The following PRELID2 variants were observed in gnomAD, a reference collection of about 807,000 sequenced individuals.
PRELID2 encodes PRELI domain-containing protein 2.
In PRELID2, 25 loss-of-function variants were observed where a neutral mutation model predicts 28.4. That is an observed-to-expected ratio of 0.88 (90% CI 0.64 to 1.23). The LOEUF is 1.23. Ranked by LOEUF, PRELID2 falls within the 50% of genes most tolerant of loss-of-function variation. PRELID2 has a pLI of 0.00. For missense variants in PRELID2, 201 were observed against 214.4 expected, an observed-to-expected ratio of 0.94 and a Z score of 0.39; for synonymous variants, 76 against 71.6, an observed-to-expected ratio of 1.06 and a Z score of -0.31.
intron 1 of PRELID2, among the ~76,000 whole-genome samples, chr5:145,620,363 A>G (rs895392825): frequency 2.0e-5 from 3 of 152,216 alleles, no homozygotes; most frequent in African/African-American, 7.2e-5. Context: ...AGAATGTGCA[A>G]CACTAAGAGT....
At chr5:145,367,829 A>AT in the PRELID2 span, among the ~76,000 whole-genome samples, 2 of 147,662 alleles carry the variant, frequency 1.4e-5, no homozygotes, top group African/African-American at 4.9e-5. Context: ...GATGAACCAC[A>AT]TTTTTATCTA....
At chr5:145,437,940 T>C in the PRELID2 span, among the ~76,000 whole-genome samples, 1 of 152,116 alleles carries the variant, frequency 6.6e-6, no homozygotes, top group Non-Finnish European at 1.5e-5. Context: ...AATGCTTCTT[T>C]CCCCTAGAGC....
intron 1 of PRELID2, among the ~76,000 whole-genome samples, chr5:145,478,558 TAAAG>T (rs1057147911): frequency 6.6e-6 from 1 of 151,666 alleles, no homozygotes; most frequent in Non-Finnish European, 1.5e-5. Flanking sequence ...CTCCAAAAAA[TAAAG>T]AAAAAGAAAA....
intron 1 of PRELID2, among the ~76,000 whole-genome samples, chr5:145,723,077 T>C (rs1482392692): frequency 3.3e-5 from 5 of 152,176 alleles, no homozygotes; most frequent in Non-Finnish European, 7.4e-5. Flanking sequence ...TAAATTTGAT[T>C]GTCAAAAATT....
At chr5:145,515,536 C>T (rs560589064) in intron 1 of PRELID2, among the ~76,000 whole-genome samples, 2 of 152,266 alleles carry the variant, frequency 1.3e-5, no homozygotes, top group East Asian at 3.9e-4. Flanking sequence ...GGACCAGACA[C>T]ATTCACAGAT....
chr5:145,357,676 G>A, the PRELID2 span, among the ~76,000 whole-genome samples: 1 of 152,112 alleles, frequency 6.6e-6, no homozygotes, highest in Non-Finnish European at 1.5e-5. Flanking sequence ...TTCCTTGGAT[G>A]GGGTTTTGAC....
intron 1 of PRELID2, among the ~76,000 whole-genome samples, chr5:145,748,058 A>G (rs2149748576): frequency 6.6e-6 from 1 of 152,348 alleles, no homozygotes; most frequent in Non-Finnish European, 1.5e-5. Context: ...TATCATATTG[A>G]AGGGACAAAA....
chr5:145,292,449 A>G, the PRELID2 span, among the ~76,000 whole-genome samples: 2 of 152,142 alleles, frequency 1.3e-5, no homozygotes, highest in Non-Finnish European at 2.9e-5. Flanking sequence ...TCAAACTGCT[A>G]TGAGATACAC....
At chr5:145,725,940 T>G (rs764447317) in intron 1 of PRELID2, among the ~76,000 whole-genome samples, 14 of 152,134 alleles carry the variant, frequency 9.2e-5, no homozygotes, top group Non-Finnish European at 1.8e-4. Context: ...TCCAGCACTT[T>G]GGTAGGCCAA....
At chr5:145,317,007 A>G in the PRELID2 span, among the ~76,000 whole-genome samples, 4 of 152,192 alleles carry the variant, frequency 2.6e-5, no homozygotes, top group Non-Finnish European at 5.9e-5. Flanking sequence ...TATTTCCTGC[A>G]CTTCTGTAAT....
chr5:145,300,559 A>T, the PRELID2 span, among the ~76,000 whole-genome samples: 1 of 151,956 alleles, frequency 6.6e-6, no homozygotes, highest in Non-Finnish European at 1.5e-5. Flanking sequence ...CAGTCCTCAA[A>T]ACACAAGGAA....
the PRELID2 span, among the ~76,000 whole-genome samples, chr5:145,459,193 T>A: frequency 6.6e-6 from 1 of 152,104 alleles, no homozygotes; most frequent in South Asian, 2.1e-4. Flanking sequence ...CCCCAGAAAA[T>A]TCTGATGTCC....
chr5:145,754,349 T>C (rs940384319), downstream of PRELID2: 3 of 152,238 alleles, frequency 2.0e-5, no homozygotes, highest in African/African-American at 4.8e-5. Context: ...GTGCATCCTA[T>C]GCTAATTTTT....
intron 1 of PRELID2, among the ~76,000 whole-genome samples, chr5:145,688,542 A>G (rs1016754764): frequency 3.3e-5 from 5 of 152,222 alleles, no homozygotes; most frequent in African/African-American, 1.2e-4. Flanking sequence ...AGTACAGCAT[A>G]CCACAGGAAA....
chr5:145,548,732 A>G (rs965865699), intron 1 of PRELID2, among the ~76,000 whole-genome samples: 2 of 152,098 alleles, frequency 1.3e-5, no homozygotes, highest in Admixed American at 6.5e-5. Context: ...CTGCACCTTC[A>G]GTCTTGCCAT....
chr5:145,580,239 G>C (rs1048199211), intron 1 of PRELID2, among the ~76,000 whole-genome samples: 1 of 152,002 alleles, frequency 6.6e-6, no homozygotes, highest in Non-Finnish European at 1.5e-5. Context: ...AAAGCAATCA[G>C]GGAACAAGAA....
chr5:145,231,523 A>G, the PRELID2 span, among the ~76,000 whole-genome samples: 1 of 152,234 alleles, frequency 6.6e-6, no homozygotes, highest in South Asian at 2.1e-4. Context: ...TAAAATCTGC[A>G]CTGGCAATTT....
At chr5:145,430,017 G>A in the PRELID2 span, 4 of 152,286 alleles carry the variant, frequency 2.6e-5, no homozygotes, top group African/African-American at 9.6e-5. Flanking sequence ...TTACCTGAAT[G>A]CAGCCCAGAA....
At chr5:145,502,792 T>C (rs896096898) in intron 1 of PRELID2, among the ~76,000 whole-genome samples, 4 of 151,944 alleles carry the variant, frequency 2.6e-5, no homozygotes, top group African/African-American at 7.3e-5. Context: ...TGCTGCCCAA[T>C]AGTTATGCAA....
Sources: gnomAD v4.1 joint callset for allele counts (sites outside exome capture counted in the v4.1 genomes callset) on GRCh38, gnomAD v4.1.1 for gene constraint, MANE v1.5 for transcripts, NCBI Gene and HGNC (gene_info 2026-07-23, HGNC 2026-07-21) for gene names.